TACR3: variants seen among roughly 807,000 people sequenced by gnomAD.
The protein encoded by TACR3 is tachykinin receptor 3.
TACR3 carries 34 observed loss-of-function variants against 35.0 expected under a neutral mutation model. The ratio of observed to expected loss-of-function variants is 0.97; its 90% CI spans 0.74 to 1.30. The LOEUF (loss-of-function observed/expected upper bound fraction) is 1.30, where lower values mean the gene tolerates loss of function less well. Ranked by LOEUF, TACR3 falls within the 50% of genes most tolerant of loss-of-function variation. The pLI is 0.00. For missense variants in TACR3, 558 were observed against 591.7 expected (o/e 0.94, Z 0.59); for synonymous variants, 233 against 221.1 (o/e 1.05, Z -0.48).
chr4:103,630,716 C>A (rs1374212957), intron 3 of TACR3, among the ~76,000 whole-genome samples: 1 of 152,132 alleles, frequency 6.6e-6, no homozygotes, highest in Non-Finnish European at 1.5e-5. Flanking sequence ...AATGGGAATG[C>A]TTTTACACTG....
chr4:103,608,160 G>A (rs1427425621), intron 3 of TACR3, among the ~76,000 whole-genome samples: 3 of 152,018 alleles, frequency 2.0e-5, no homozygotes, highest in Admixed American at 2.0e-4. Context: ...GATTAACCTA[G>A]GTGCTCATCG....
chr4:103,705,064 G>T (rs1003025513), intron 1 of TACR3, among the ~76,000 whole-genome samples: 1 of 151,542 alleles, frequency 6.6e-6, no homozygotes, highest in African/African-American at 2.4e-5. Context: ...TTTGCATTTT[G>T]GTTTGAAAAC....
intron 1 of TACR3, among the ~76,000 whole-genome samples, chr4:103,712,225 A>C (rs955144138): frequency 6.6e-6 from 1 of 152,224 alleles, no homozygotes; most frequent in Non-Finnish European, 1.5e-5. Flanking sequence ...TGGAGGCATC[A>C]CGCTACCTGA....
chr4:103,667,140 C>G (rs2110334569), intron 1 of TACR3, among the ~76,000 whole-genome samples: 1 of 152,222 alleles, frequency 6.6e-6, no homozygotes, highest in Middle Eastern at 3.4e-3. Flanking sequence ...TGCCTGTAAT[C>G]CCAGCTACTT....
At chr4:103,658,991 T>C (rs1266922059) in intron 1 of TACR3, among the ~76,000 whole-genome samples, 2 of 152,172 alleles carry the variant, frequency 1.3e-5, no homozygotes, top group African/African-American at 4.8e-5. Flanking sequence ...TCATCACACA[T>C]TAAGTTCTCA....
At chr4:103,682,712 G>C (rs1722127383) in intron 1 of TACR3, among the ~76,000 whole-genome samples, 2 of 152,080 alleles carry the variant, frequency 1.3e-5, no homozygotes, top group South Asian at 4.1e-4. Context: ...TCAGTAATGA[G>C]GACAACTTAG....
intron 1 of TACR3, among the ~76,000 whole-genome samples, chr4:103,675,712 A>C (rs1383526074): frequency 1.3e-5 from 2 of 152,112 alleles, no homozygotes; most frequent in African/African-American, 2.4e-5. Flanking sequence ...TCCTGAAAGG[A>C]AGGAGTGGTA....
chr4:103,627,342 G>GTGT (rs1340757167), intron 3 of TACR3, among the ~76,000 whole-genome samples: 3 of 118,506 alleles, frequency 2.5e-5, no homozygotes, highest in African/African-American at 1.0e-4. Flanking sequence ...TGGTGAAACT[G>GTGT]TGTTTCCATT....
intron 3 of TACR3, among the ~76,000 whole-genome samples, chr4:103,599,682 C>G (rs953750385): frequency 6.6e-6 from 1 of 152,134 alleles, no homozygotes; most frequent in African/African-American, 2.4e-5. Flanking sequence ...TGAATTTTGT[C>G]AAAGGCCTTT....
intron 3 of TACR3, among the ~76,000 whole-genome samples, chr4:103,635,610 G>T (rs1215796301): frequency 6.6e-6 from 1 of 151,986 alleles, no homozygotes; most frequent in Non-Finnish European, 1.5e-5. Flanking sequence ...AACCCACTAA[G>T]AATTTTTTGT....
intron 1 of TACR3, among the ~76,000 whole-genome samples, chr4:103,701,776 C>T (rs1385979732): frequency 6.6e-6 from 1 of 152,112 alleles, no homozygotes; most frequent in Non-Finnish European, 1.5e-5. Flanking sequence ...CTTTGACAAA[C>T]CTGACAAAAA....
At chr4:103,663,286 G>A (rs1725871936) in intron 1 of TACR3, among the ~76,000 whole-genome samples, 1 of 152,134 alleles carries the variant, frequency 6.6e-6, no homozygotes, top group African/African-American at 2.4e-5. Flanking sequence ...TTGAGGCCAG[G>A]AGTTTGAGAC....
At chr4:103,602,830 G>A (rs1342758205) in intron 3 of TACR3, among the ~76,000 whole-genome samples, 3 of 152,224 alleles carry the variant, frequency 2.0e-5, no homozygotes, top group Admixed American at 1.3e-4. Context: ...AGGCTACTCG[G>A]GGGTCAGGGA....
Position 103,719,120 on chromosome 4 carries a change from C to T in TACR3, c.548+8G>A. The T allele has an allele frequency of 6.2e-7, 1 of 1,614,198 alleles. No homozygotes were observed. Among genetic ancestry groups the T allele is most frequent in the African/African-American group, 1.3e-5 (1 of 75,044 alleles). ...TCCCTCTTTCCTCTCTGTCTGTCCT[C>T]TCCTCACCTGTCCACCGCAATGGCC... On this transcript the variant is annotated splice_region_variant and intron_variant, in intron 1 of 4. Coordinates refer to ENST00000304883, the MANE Select transcript of TACR3 (RefSeq NM_001059.3).
At chr4:103,654,685 T>C (rs1001718329) in intron 3 of TACR3, among the ~76,000 whole-genome samples, 24 of 149,358 alleles carry the variant, frequency 1.6e-4, no homozygotes, top group African/African-American at 5.5e-4. Context: ...ACCCTAAAAC[T>C]TAAAGTATAA....
intron 1 of TACR3, among the ~76,000 whole-genome samples, chr4:103,707,618 C>T (rs1021974395): frequency 2.0e-5 from 3 of 152,020 alleles, no homozygotes; most frequent in Non-Finnish European, 4.4e-5. Flanking sequence ...ACTGAGTTAC[C>T]GGGTTCATCT....
rs370346208 is a variant in TACR3 at position 103,708,591 on chromosome 4, C to T, written c.548+10537G>A. ...CAGAAAAGCTGAAAATTCCAAAAAT[C>T]GGAGCACCTCTCCCCCTCCAAAGGA... On this transcript the variant is annotated intron_variant, in intron 1 of 4. Coordinates refer to ENST00000304883, the MANE Select transcript of TACR3 (RefSeq NM_001059.3). Among the ~76,000 whole-genome samples, 4 of 152,166 alleles carry T rather than the reference C, an allele frequency of 2.6e-5. No individual in the cohort carries two copies. The South Asian group carries it at 6.2e-4, about 24-fold the overall frequency.
intron 1 of TACR3, among the ~76,000 whole-genome samples, chr4:103,672,486 A>G (rs1290832513): frequency 6.6e-6 from 1 of 152,168 alleles, no homozygotes; most frequent in African/African-American, 2.4e-5. Flanking sequence ...TTGGGTTACT[A>G]GGTGCATTGC....
At chr4:103,660,595 G>A (rs1206286360) in intron 1 of TACR3, among the ~76,000 whole-genome samples, 1 of 151,690 alleles carries the variant, frequency 6.6e-6, no homozygotes. Context: ...TGAGGTGATG[G>A]ATATGTTTAG....
Sources: gnomAD v4.1 joint callset for allele counts (sites outside exome capture counted in the v4.1 genomes callset) on GRCh38, gnomAD v4.1.1 for gene constraint, MANE v1.5 for transcripts, NCBI Gene and HGNC (gene_info 2026-07-23, HGNC 2026-07-21) for gene names.